RSU1: variants seen among roughly 807,000 people sequenced by gnomAD.
RSU1 encodes the protein Ras suppressor protein 1, also known as rsu-1.
In RSU1, 26 loss-of-function variants were observed where a neutral mutation model predicts 31.1. That is an observed-to-expected ratio of 0.84 (90% CI 0.61 to 1.16). The LOEUF is 1.16. RSU1 is among the 50% of genes most tolerant of loss of function. RSU1 has a pLI of 0.00. For synonymous variants in RSU1, 164 were observed against 136.3 expected (o/e 1.20, Z -1.41); for missense variants, 320 against 339.1 (o/e 0.94, Z 0.44).
intron 8 of RSU1, among the ~76,000 whole-genome samples, chr10:16,610,882 C>G (rs925358846): frequency 1.3e-5 from 2 of 152,114 alleles, no homozygotes; most frequent in Non-Finnish European, 2.9e-5. Context: ...CACAGGAAAT[C>G]TGTTATCTAG....
intron 8 of RSU1, among the ~76,000 whole-genome samples, chr10:16,683,618 C>G (rs1306390535): frequency 6.6e-6 from 1 of 152,084 alleles, no homozygotes; most frequent in Non-Finnish European, 1.5e-5. Context: ...GTCCTAACCT[C>G]CTAACAAAAA....
intron 8 of RSU1, among the ~76,000 whole-genome samples, chr10:16,626,844 T>A (rs1834167454): frequency 6.6e-6 from 1 of 152,184 alleles, no homozygotes. Context: ...CCAGATGTCT[T>A]TCATGAATAA....
intron 7 of RSU1, among the ~76,000 whole-genome samples, chr10:16,711,500 CTT>C (rs1159712577): frequency 2.6e-5 from 4 of 152,114 alleles, no homozygotes; most frequent in Middle Eastern, 3.2e-3. Flanking sequence ...AAAAATCTCT[CTT>C]CTTTTCTAAT....
chr10:16,773,430 T>C (rs1196815133), intron 3 of RSU1, among the ~76,000 whole-genome samples: 1 of 152,076 alleles, frequency 6.6e-6, no homozygotes, highest in Non-Finnish European at 1.5e-5. Flanking sequence ...CCTTAGGAAT[T>C]CTCCCGTTCT....
At chr10:16,690,429 C>A (rs548326726) in intron 8 of RSU1, among the ~76,000 whole-genome samples, 2 of 152,230 alleles carry the variant, frequency 1.3e-5, no homozygotes, top group South Asian at 4.2e-4. Context: ...CCACCTGAGA[C>A]ATGATGAAGG....
At position 16,687,456 on chromosome 10, in the gene RSU1, G is replaced by C. The variant is rs183716923; in HGVS notation, c.731+7567C>G. ...AATAAATTATGAAAATGCAAAAAAGGGAAAAATACTAGTTACCTGTGAAGT... is the reference window on the plus strand; with the variant it reads ...AATAAATTATGAAAATGCAAAAAAGCGAAAAATACTAGTTACCTGTGAAGT... On this transcript the variant is annotated intron_variant, in intron 8 of 8. Transcript: ENST00000345264. Among the ~76,000 whole-genome samples the C allele has an allele frequency of 3.3e-5, 5 of 152,206 alleles. No individual in the cohort carries two copies. The East Asian group carries it at 7.7e-4, about 24-fold the overall frequency.
chr10:16,690,700 G>C (rs1461905256), intron 8 of RSU1, among the ~76,000 whole-genome samples: 1 of 152,152 alleles, frequency 6.6e-6, no homozygotes, highest in Non-Finnish European at 1.5e-5. Context: ...AAGAACTTGA[G>C]GACGTGCTCT....
intron 3 of RSU1, among the ~76,000 whole-genome samples, chr10:16,770,725 G>C (rs1389936681): frequency 6.6e-6 from 1 of 152,230 alleles, no homozygotes; most frequent in African/African-American, 2.4e-5. Context: ...CTTAAGGCAG[G>C]TACTTCGTGG....
intron 8 of RSU1, among the ~76,000 whole-genome samples, chr10:16,633,172 A>T (rs1237848659): frequency 1.3e-5 from 2 of 152,060 alleles, no homozygotes; most frequent in Admixed American, 1.3e-4. Context: ...GTGGGAACCA[A>T]AGTGTCTCCA....
At chr10:16,640,507 G>A (rs867634202) in intron 8 of RSU1, among the ~76,000 whole-genome samples, 3 of 152,146 alleles carry the variant, frequency 2.0e-5, no homozygotes, top group Admixed American at 6.5e-5. Flanking sequence ...GCTACTAGAG[G>A]ATAAAAATCC....
chr10:16,601,158 C>T (rs1008115805), intron 8 of RSU1, among the ~76,000 whole-genome samples: 1 of 152,196 alleles, frequency 6.6e-6, no homozygotes, highest in Non-Finnish European at 1.5e-5. Flanking sequence ...CACTGGGACA[C>T]TTTGGCTATG....
rs1255375250 is a variant in RSU1 at position 16,782,025 on chromosome 10, A to G, written c.160+9T>C. The G allele has an allele frequency of 6.2e-7, 1 of 1,611,870 alleles. No homozygotes were observed. Among genetic ancestry groups the G allele is most frequent in the Non-Finnish European group, 8.5e-7 (1 of 1,178,308 alleles). ...TCAGAAACTGTAACAAATGAGAAAC[A>G]TCACTTACTTGTTAGCTTGTTATGG... On this transcript the variant is annotated intron_variant, in intron 3 of 8. Transcript: ENST00000345264.
chr10:16,764,251 T>C (rs1588520023), intron 4 of RSU1, 139 bp downstream of exon 4: 1 of 1,002,360 alleles, frequency 1.0e-6, no homozygotes, highest in South Asian at 3.0e-5. Flanking sequence ...CAATAAAATT[T>C]TTTTAAGACC....
intron 7 of RSU1, among the ~76,000 whole-genome samples, chr10:16,746,669 T>A (rs1182073795): frequency 2.6e-5 from 3 of 113,336 alleles, no homozygotes; most frequent in Middle Eastern, 4.3e-3. Flanking sequence ...AAATCACTTT[T>A]TTTTTTTTTT....
intron 3 of RSU1, among the ~76,000 whole-genome samples, chr10:16,781,418 C>CA (rs1373822763): frequency 6.6e-6 from 1 of 152,156 alleles, no homozygotes; most frequent in African/African-American, 2.4e-5. Context: ...AAAGGTATAT[C>CA]ATGTATACAA....
At chr10:16,801,434 A>G (rs1838153787) in intron 2 of RSU1, among the ~76,000 whole-genome samples, 1 of 152,198 alleles carries the variant, frequency 6.6e-6, no homozygotes, top group Non-Finnish European at 1.5e-5. Context: ...CAAATCCGCT[A>G]TTATACTTGG....
At chr10:16,761,504 C>T (rs1837211125) in intron 4 of RSU1, among the ~76,000 whole-genome samples, 1 of 152,132 alleles carries the variant, frequency 6.6e-6, no homozygotes, top group Non-Finnish European at 1.5e-5. Flanking sequence ...TTATACTCAA[C>T]AGTGCCAAAA....
At position 16,785,427 on chromosome 10, in the gene RSU1, CATATATAT is replaced by C. The variant is rs371719149; in HGVS notation, c.110-3351_110-3344del. On this transcript the variant is annotated intron_variant, in intron 2 of 8. Transcript: ENST00000345264. ...CTTTCTATATATATATACATATATA[CATATATAT>C]ATATACACATATATACATATATACA... Among the ~76,000 whole-genome samples the C allele has an allele frequency of 3.5e-4, 32 of 90,536 alleles. 1 individual carries two copies. Among genetic ancestry groups the C allele is most frequent in the Non-Finnish European group, 6.1e-4 (30 of 49,126 alleles). The allele number at this position is 90,536 out of a possible 152,430, so 59.4% of individuals were successfully genotyped here.
intron 7 of RSU1, among the ~76,000 whole-genome samples, chr10:16,698,436 G>T (rs543282219): frequency 6.6e-6 from 1 of 152,282 alleles, no homozygotes; most frequent in Admixed American, 6.5e-5. Context: ...ACAGCCTCTT[G>T]TTAACTTATT....
Sources: gnomAD v4.1 joint callset for allele counts (sites outside exome capture counted in the v4.1 genomes callset) on GRCh38, gnomAD v4.1.1 for gene constraint, MANE v1.5 for transcripts, NCBI Gene and HGNC (gene_info 2026-07-23, HGNC 2026-07-21) for gene names.